RALYL: variants seen among roughly 807,000 people sequenced by gnomAD.
RALYL encodes RALY RNA binding protein like.
RALYL carries 29 observed loss-of-function variants against 35.1 expected under a neutral mutation model. That is an observed-to-expected ratio of 0.83 (90% confidence interval 0.61 to 1.13). RALYL has a LOEUF of 1.13. RALYL is among the 50% of genes most tolerant of loss of function. RALYL has a pLI of 0.00. For missense variants in RALYL, 359 were observed against 360.4 expected (o/e 1.00, Z 0.03); for synonymous variants, 120 against 127.6 (o/e 0.94, Z 0.40).
chr8:84,723,434 T>C (rs889681209), intron 2 of RALYL, among the ~76,000 whole-genome samples: 2 of 151,988 alleles, frequency 1.3e-5, no homozygotes, highest in African/African-American at 2.4e-5. Context: ...TTAAATTCAG[T>C]TGGGCAGAAT....
At chr8:84,277,003 G>A (rs17710709) in intron 1 of RALYL, among the ~76,000 whole-genome samples, 2,662 of 152,188 alleles carry the variant, frequency 0.017, 70 homozygotes, top group Non-Finnish European at 0.022. Context: ...AAGAAAGCAC[G>A]CAGCTGCCAT....
chr8:84,746,139 A>G lies in RALYL; in HGVS notation c.257-28440A>G, dbSNP rs1183340893. 3.9e-5 allele frequency among the ~76,000 whole-genome samples: 6 copies of G among 152,044 alleles called. No individual in the cohort carries two copies. In the East Asian group the frequency reaches 1.2e-3, roughly 29 times the overall value. ...TTCTTTTTGCATTCCTGCAATAACA[A>G]TTTGAATTCTCTCCAAAGACAGAAG... is the stretch of plus-strand genomic sequence containing the variant. On this transcript the variant is annotated intron_variant, in intron 2 of 8. Transcript: ENST00000521268.
In RALYL at chr8:84,275,786, C is replaced by A. The variant is rs575736915; in HGVS notation, c.-24+91362C>A. On this transcript the variant is annotated intron_variant, in intron 1 of 8. Transcript: ENST00000521268. Reference sequence around the variant, plus strand: ...ATATTTATTTCTTTTACAAGGATAGCCTTTGGAAAGATGAAATAGCCAATC... The same window carrying A: ...ATATTTATTTCTTTTACAAGGATAGACTTTGGAAAGATGAAATAGCCAATC... 1.1e-4 allele frequency among the ~76,000 whole-genome samples: 16 copies of A among 152,088 alleles called. No homozygotes were observed. The South Asian group carries it at 3.3e-3, about 32-fold the overall frequency.
chr8:84,322,657 G>T (rs1845080843), intron 1 of RALYL, among the ~76,000 whole-genome samples: 1 of 152,102 alleles, frequency 6.6e-6, no homozygotes, highest in African/African-American at 2.4e-5. Context: ...CTTTTGTGAA[G>T]CTGGGTTGGA....
At chr8:84,825,278 A>T (rs923490141) in intron 4 of RALYL, among the ~76,000 whole-genome samples, 1 of 152,152 alleles carries the variant, frequency 6.6e-6, no homozygotes, top group Non-Finnish European at 1.5e-5. Flanking sequence ...AGAAATGCAG[A>T]TCAAAACCAC....
chr8:84,187,767 A>T (rs1325099441), intron 1 of RALYL, among the ~76,000 whole-genome samples: 1 of 152,130 alleles, frequency 6.6e-6, no homozygotes, highest in African/African-American at 2.4e-5. Flanking sequence ...CTTAAATGCA[A>T]TATTGACTTA....
chr8:84,856,265 C>A (rs1417785287), intron 5 of RALYL, among the ~76,000 whole-genome samples: 2 of 152,162 alleles, frequency 1.3e-5, no homozygotes, highest in African/African-American at 4.8e-5. Context: ...GGCAAAATGG[C>A]TTCACACTAC....
At chr8:84,567,645 A>G (rs777851935) in intron 2 of RALYL, among the ~76,000 whole-genome samples, 2 of 151,408 alleles carry the variant, frequency 1.3e-5, no homozygotes, top group Non-Finnish European at 3.0e-5. Flanking sequence ...GCTATTGTGA[A>G]TAGTGCTGTG....
rs527808273 is a variant in RALYL, at chr8:84,841,170, G to T, written c.366-8810G>T. Among the ~76,000 whole-genome samples, 17 of 152,218 alleles carry T rather than the reference G, an allele frequency of 1.1e-4. No individual in the cohort carries two copies. In the East Asian group the frequency reaches 3.1e-3, roughly 28 times the overall value. On this transcript the variant is annotated intron_variant, in intron 4 of 8. Coordinates refer to ENST00000521268, the MANE Select transcript of RALYL (RefSeq NM_173848.7). ...ATGCTCCAATTAAAAGACACAGACTGGCAAATTGGATAAAGAGTCAAGACC... is the reference window on the plus strand; with the variant it reads ...ATGCTCCAATTAAAAGACACAGACTTGCAAATTGGATAAAGAGTCAAGACC...
intron 1 of RALYL, among the ~76,000 whole-genome samples, chr8:84,425,913 G>A (rs1356054201): frequency 6.6e-6 from 1 of 151,588 alleles, no homozygotes. Flanking sequence ...CATTTTTGCA[G>A]CATCCCTTGG....
At chr8:84,749,352 T>C (rs1294916168) in intron 2 of RALYL, among the ~76,000 whole-genome samples, 2 of 152,148 alleles carry the variant, frequency 1.3e-5, no homozygotes, top group Non-Finnish European at 2.9e-5. Flanking sequence ...TCTGGCCATA[T>C]GGCTTTGCCT....
chr8:84,353,017 GGACACCTGCGGACTT>G, intron 1 of RALYL, among the ~76,000 whole-genome samples: 1 of 150,140 alleles, frequency 6.7e-6, no homozygotes, highest in East Asian at 1.9e-4. Flanking sequence ...GACGTTTCCA[GGACACCTGCGGACTT>G]GAAAGTGCCC....
chr8:84,217,820 G>A (rs1821185771), intron 1 of RALYL, among the ~76,000 whole-genome samples: 1 of 151,980 alleles, frequency 6.6e-6, no homozygotes, highest in Admixed American at 6.6e-5. Flanking sequence ...ATAAAACTAG[G>A]AGCCTAATAG....
chr8:84,750,229 G>A (rs753827341), intron 2 of RALYL, among the ~76,000 whole-genome samples: 15 of 152,138 alleles, frequency 9.9e-5, no homozygotes, highest in Non-Finnish European at 1.9e-4. Flanking sequence ...GAGTTAAAGA[G>A]AAGAATTATT....
intron 1 of RALYL, among the ~76,000 whole-genome samples, chr8:84,236,951 A>C (rs977281200): frequency 1.3e-5 from 2 of 152,164 alleles, no homozygotes; most frequent in Non-Finnish European, 2.9e-5. Flanking sequence ...TTAGTAAGTA[A>C]ATGTATTTGG....
intron 1 of RALYL, among the ~76,000 whole-genome samples, chr8:84,261,626 T>C (rs1221787587): frequency 6.6e-6 from 1 of 152,206 alleles, no homozygotes; most frequent in African/African-American, 2.4e-5. Flanking sequence ...TATAAATATT[T>C]AACAAATGTT....
chr8:84,824,060 A>C (rs771753153), intron 4 of RALYL, among the ~76,000 whole-genome samples: 6 of 152,170 alleles, frequency 3.9e-5, no homozygotes, highest in Non-Finnish European at 5.9e-5. Context: ...ATGGGAAAAT[A>C]AACTATCTCT....
intron 1 of RALYL, among the ~76,000 whole-genome samples, chr8:84,259,030 T>C (rs983165942): frequency 2.0e-4 from 30 of 152,210 alleles, no homozygotes; most frequent in Admixed American, 9.2e-4. Flanking sequence ...GACCTCATCT[T>C]ACTAACATGT....
chr8:84,745,159 G>A (rs77495771), intron 2 of RALYL, among the ~76,000 whole-genome samples: 2 of 151,690 alleles, frequency 1.3e-5, no homozygotes, highest in East Asian at 1.9e-4. Flanking sequence ...TGTTAACAAT[G>A]TTCTGTATGA....
Sources: allele counts gnomAD v4.1 joint callset (sites outside exome capture counted in the v4.1 genomes callset), GRCh38; gene constraint gnomAD v4.1.1; transcripts MANE v1.5; gene names NCBI Gene and HGNC (gene_info 2026-07-23, HGNC 2026-07-21).